IQCH: variants seen among roughly 807,000 people sequenced by gnomAD.
The protein encoded by IQCH is IQ domain-containing protein H.
In IQCH, 98 loss-of-function variants were observed where a neutral mutation model predicts 117.0. The observed-to-expected ratio is 0.84, with a 90% CI of 0.71 to 0.99. The LOEUF (loss-of-function observed/expected upper bound fraction) is 0.99. Ranked by LOEUF, IQCH falls within the 50% of genes least tolerant of loss-of-function variation. The pLI is 0.00. For missense variants in IQCH, 1,102 were observed against 1,243.8 expected (o/e 0.89, Z 1.72); for synonymous variants, 412 against 448.2 (o/e 0.92, Z 1.02).
chr15:67,263,901 C>T (rs1481642942), intron 3 of IQCH, among the ~76,000 whole-genome samples: 4 of 152,172 alleles, frequency 2.6e-5, no homozygotes, highest in Admixed American at 6.5e-5. Context: ...ACACACAGGC[C>T]TCCTGAATTT....
chr15:67,261,131 G>T, intron 1 of IQCH, 141 bp from the exon 2 acceptor site: 1 of 452,068 alleles, frequency 2.2e-6, no homozygotes, highest in Admixed American at 4.4e-5. Flanking sequence ...AACCGTAAAA[G>T]TGGTCCTTTT....
At chr15:67,270,781 C>A (rs898487809) in intron 3 of IQCH, among the ~76,000 whole-genome samples, 4 of 152,172 alleles carry the variant, frequency 2.6e-5, no homozygotes, top group Non-Finnish European at 5.9e-5. Context: ...CCAAATAAAT[C>A]TGTTTTTAAA....
chr15:67,478,567 G>C (rs936034147), intron 18 of IQCH, among the ~76,000 whole-genome samples: 2 of 152,096 alleles, frequency 1.3e-5, no homozygotes, highest in Non-Finnish European at 2.9e-5. Context: ...TAAGAGAAGA[G>C]AGAGGAGAAA....
At chr15:67,338,525 G>A (rs1021215442) in intron 5 of IQCH, among the ~76,000 whole-genome samples, 1 of 151,904 alleles carries the variant, frequency 6.6e-6, no homozygotes, top group African/African-American at 2.4e-5. Context: ...TTTTTTAGGT[G>A]TTTCTGATGC....
At chr15:67,328,692 T>TA (rs1968523018) in intron 4 of IQCH, among the ~76,000 whole-genome samples, 1 of 152,212 alleles carries the variant, frequency 6.6e-6, no homozygotes, top group Admixed American at 6.5e-5. Flanking sequence ...ATTTATGACT[T>TA]AAAATCAATA....
chr15:67,478,256 G>T (rs2083254191), intron 18 of IQCH, among the ~76,000 whole-genome samples: 1 of 152,056 alleles, frequency 6.6e-6, no homozygotes, highest in Non-Finnish European at 1.5e-5. Context: ...GTGGTGGCAT[G>T]CACCTATAAT....
Position 67,404,204 on chromosome 15 carries a change from G to A in IQCH, c.2097+3899G>A, listed in dbSNP as rs1482030399. On this transcript the variant is annotated intron_variant, in intron 14 of 20. Transcript: ENST00000335894. The surrounding 1 kb of genome is among the most constrained non-coding windows in gnomAD (Gnocchi z 4.6). ...TATTAATTTGGGGATCACAAAGGTA[G>A]GAGAAGAACTATGCCTGGAAAAGGT... The A allele has an allele frequency of 2.6e-5, 4 of 152,212 alleles. No homozygotes were observed. Among genetic ancestry groups the A allele is most frequent in the African/African-American group, 7.2e-5 (3 of 41,436 alleles). 9.4% of individuals were successfully genotyped at this position (152,212 alleles called of 1,614,324 possible). A position where few individuals can be genotyped will look rare whatever the true frequency, so the allele number is the denominator to read the frequency against.
At chr15:67,398,698 G>A (rs150628778) in intron 13 of IQCH, among the ~76,000 whole-genome samples, 7 of 151,790 alleles carry the variant, frequency 4.6e-5, no homozygotes, top group Admixed American at 1.3e-4. Flanking sequence ...CAACAGAACT[G>A]TAAATCATGA....
intron 6 of IQCH, among the ~76,000 whole-genome samples, chr15:67,350,711 C>T (rs1258319595): frequency 6.6e-6 from 1 of 152,154 alleles, no homozygotes; most frequent in South Asian, 2.1e-4. Flanking sequence ...CAGGTGTGAG[C>T]CACCGTGCCT....
Position 67,453,700 on chromosome 15 carries a change from C to T in IQCH, c.2506-11427C>T, listed in dbSNP as rs973183073. ...GACCCACTTGAGGAGGCAGTCTGCC[C>T]GTTCTCAGATCTCAAGCTGCATGCT... On this transcript the variant is annotated intron_variant, in intron 16 of 20. Coordinates refer to ENST00000335894, the MANE Select transcript of IQCH (RefSeq NM_001031715.3). The surrounding 1 kb of genome is among the most constrained non-coding windows in gnomAD (Gnocchi z 5.8). Among the ~76,000 whole-genome samples, 10 of 152,208 alleles carry T rather than the reference C, an allele frequency of 6.6e-5. No individual in the cohort carries two copies. The highest frequency in any genetic ancestry group is 1.2e-4 in the Non-Finnish European group (8 of 68,036).
intron 20 of IQCH, among the ~76,000 whole-genome samples, chr15:67,497,518 G>C (rs1307523365): frequency 1.3e-5 from 2 of 151,858 alleles, no homozygotes; most frequent in Non-Finnish European, 2.9e-5. Context: ...TTTTGAGACA[G>C]AGTCTCACTC....
At chr15:67,311,718 C>G (rs1041384623) in intron 4 of IQCH, among the ~76,000 whole-genome samples, 1 of 151,838 alleles carries the variant, frequency 6.6e-6, no homozygotes, top group Non-Finnish European at 1.5e-5. Flanking sequence ...ATAAAATTTG[C>G]ATTTACTTAT....
At position 67,456,555 on chromosome 15, in the gene IQCH, C is replaced by T. The variant is rs375802443; in HGVS notation, c.2506-8572C>T. Reference sequence around the variant, plus strand: ...TAGTTTTAGAGATTCCATCCTACATCGTATCAAATGTATTAAAAATCCATT... The same window carrying T: ...TAGTTTTAGAGATTCCATCCTACATTGTATCAAATGTATTAAAAATCCATT... On this transcript the variant is annotated intron_variant, in intron 16 of 20. Coordinates refer to ENST00000335894, the MANE Select transcript of IQCH (RefSeq NM_001031715.3). This position sits in a 1 kb window ranked among gnomAD's most constrained non-coding sequence, Gnocchi z 5.1. Among the ~76,000 whole-genome samples the T allele has an allele frequency of 2.1e-4, 32 of 152,166 alleles. No individual in the cohort carries two copies. The highest frequency in any genetic ancestry group is 6.8e-3 in the Middle Eastern group (2 of 294).
chr15:67,326,221 G>T (rs1469426091), intron 4 of IQCH, among the ~76,000 whole-genome samples: 1 of 152,056 alleles, frequency 6.6e-6, no homozygotes, highest in Non-Finnish European at 1.5e-5. Context: ...GTGGTGTTTG[G>T]TTTTTTTGTC....
intron 16 of IQCH, among the ~76,000 whole-genome samples, chr15:67,437,306 A>G (rs374184858): frequency 6.6e-6 from 1 of 152,192 alleles, no homozygotes. Flanking sequence ...GAAGAGAGAC[A>G]ACAATCACTG....
chr15:67,329,378 G>A (rs572841437), intron 4 of IQCH, among the ~76,000 whole-genome samples: 1 of 152,044 alleles, frequency 6.6e-6, no homozygotes, highest in Non-Finnish European at 1.5e-5. Context: ...AATAATTTAT[G>A]GAGTGCATCT....
At chr15:67,299,866 C>CT (rs1184072384) in intron 4 of IQCH, among the ~76,000 whole-genome samples, 1 of 152,044 alleles carries the variant, frequency 6.6e-6, no homozygotes, top group African/African-American at 2.4e-5. Flanking sequence ...GACGCAATTT[C>CT]TTTTTTTGTC....
Position 67,365,411 on chromosome 15 carries a change from T to C in IQCH, c.753+5526T>C, listed in dbSNP as rs1056919771. The stretch of plus-strand genomic sequence containing the variant: ...AACTGGCTATAAGCTTAAATTTTAG[T>C]ATTCACACTTTCATACATTCATTCA... On this transcript the variant is annotated intron_variant, in intron 8 of 20. Coordinates refer to ENST00000335894, the MANE Select transcript of IQCH (RefSeq NM_001031715.3). The surrounding 1 kb of genome is among the most constrained non-coding windows in gnomAD (Gnocchi z 4.4). Among the ~76,000 whole-genome samples, 3 of 152,224 alleles carry C rather than the reference T, an allele frequency of 2.0e-5. No individual in the cohort carries two copies. Among genetic ancestry groups the C allele is most frequent in the African/African-American group, 7.2e-5 (3 of 41,456 alleles).
At chr15:67,291,445 A>G (rs146556844) in intron 4 of IQCH, among the ~76,000 whole-genome samples, 35 of 152,284 alleles carry the variant, frequency 2.3e-4, no homozygotes, top group African/African-American at 8.2e-4. Context: ...GCTCACCCCA[A>G]GTTCCTTAAA....
Sources: allele counts gnomAD v4.1 joint callset (sites outside exome capture counted in the v4.1 genomes callset), GRCh38; gene constraint gnomAD v4.1.1; non-coding constraint Gnocchi (gnomAD v3.1); transcripts MANE v1.5; gene names NCBI Gene and HGNC (gene_info 2026-07-23, HGNC 2026-07-21).